Variants in FYCO1 observed in about 807,000 individuals in gnomAD.
The protein encoded by FYCO1 is FYVE and coiled-coil domain-containing protein 1.
Under a neutral mutation model 165.1 loss-of-function variants are expected in FYCO1, and 122 were observed. The observed-to-expected ratio is 0.74, with a 90% CI of 0.64 to 0.86. FYCO1 has a LOEUF of 0.86. Ranked by LOEUF, FYCO1 falls within the 40% of genes least tolerant of loss-of-function variation. The pLI is 0.00. For synonymous variants in FYCO1, 648 were observed against 742.5 expected (o/e 0.87, Z 2.07); for missense variants, 1,702 against 1,810.3 (o/e 0.94, Z 1.09).
At chr3:45,983,588 A>G (rs1196366821) in intron 2 of FYCO1, among the ~76,000 whole-genome samples, 3 of 152,180 alleles carry the variant, frequency 2.0e-5, no homozygotes, top group Non-Finnish European at 4.4e-5. Context: ...TTCCCTCCCA[A>G]TAAGGACCTC....
In FYCO1 at chr3:45,973,149, C is replaced by G. The variant is rs146077270; in HGVS notation, c.478G>C (p.Val160Leu). ...IVGQLYELTE[V>L]QFDLASRGFD... ...CCCCTCGACGCCAGGTCAAACTGAACCTCAGTCAGCTCATAGAGTTGGCCC... is the reference window on the plus strand; with the variant it reads ...CCCCTCGACGCCAGGTCAAACTGAAGCTCAGTCAGCTCATAGAGTTGGCCC... The change falls in exon 6 of 18, where the codon GTT (valine) becomes CTT (leucine). Residue 160 changes from valine (V) to leucine (L), a missense_variant. By Grantham distance (32) the Val-to-Leu change is conservative. Coordinates refer to ENST00000296137, the MANE Select transcript of FYCO1 (RefSeq NM_024513.4). The G allele has an allele frequency of 6.2e-6, 10 of 1,614,246 alleles. No homozygotes were observed. The African/African-American group carries it at 1.1e-4, about 17-fold the overall frequency.
intron 3 of FYCO1, 34 bp downstream of exon 3, chr3:45,981,536 G>A: frequency 7.7e-7 from 1 of 1,302,510 alleles, no homozygotes; most frequent in Non-Finnish European, 1.1e-6. Context: ...AGAGATACCA[G>A]TGCAAAAATC....
rs1285754883 is a variant in FYCO1 at position 45,918,156 on chromosome 3, T to A, written c.*3609A>T. ...TAATCAATTAAAGTGCAATTCCAAA[T>A]GTTGAGCCTTCCAAATGAGGCTTGG... On this transcript the variant is annotated 3_prime_UTR_variant, in exon 18 of 18. Transcript: ENST00000296137. 2 of 152,606 alleles carry A rather than the reference T, an allele frequency of 1.3e-5. No homozygotes were observed. The highest frequency in any genetic ancestry group is 2.9e-5 in the Non-Finnish European group (2 of 68,036). 9.5% of individuals were successfully genotyped at this position (152,606 alleles called of 1,614,324 possible).
Position 45,971,628 on chromosome 3 carries a change from G to A in FYCO1, c.539+1460C>T, listed in dbSNP as rs76273964. Among the ~76,000 whole-genome samples the A allele has an allele frequency of 2.0e-3, 307 of 152,224 alleles. 7 individuals carry two copies. The East Asian group carries it at 0.052, about 26-fold the overall frequency. On this transcript the variant is annotated intron_variant, in intron 6 of 17. Transcript: ENST00000296137. ...CACTTAACCTAAATCCAATAATGAGGAAACATCAGACAAACTCAAATTAAG... is the reference window on the plus strand; with the variant it reads ...CACTTAACCTAAATCCAATAATGAGAAAACATCAGACAAACTCAAATTAAG...
chr3:45,932,870 G>A (rs983984699), intron 15 of FYCO1, among the ~76,000 whole-genome samples: 2 of 152,174 alleles, frequency 1.3e-5, no homozygotes, highest in Non-Finnish European at 2.9e-5. Context: ...GGTTTGGGGG[G>A]TCCATTCTGG....
intron 4 of FYCO1, among the ~76,000 whole-genome samples, chr3:45,978,314 A>G (rs964712123): frequency 1.1e-4 from 16 of 152,210 alleles, no homozygotes; most frequent in Non-Finnish European, 2.4e-4. Flanking sequence ...TTTATGATGC[A>G]CTAAAATTAA....
intron 7 of FYCO1, 122 bp downstream of exon 7, chr3:45,969,553 G>A (rs1706301142): frequency 1.1e-5 from 8 of 732,480 alleles, no homozygotes; most frequent in Non-Finnish European, 2.0e-5. Flanking sequence ...CCATAACTGA[G>A]TGGTTCTATT....
intron 16 of FYCO1, among the ~76,000 whole-genome samples, chr3:45,930,283 G>T (rs1703527791): frequency 6.6e-6 from 1 of 152,076 alleles, no homozygotes; most frequent in Non-Finnish European, 1.5e-5. Context: ...CCCTTTCTCT[G>T]CAGAGATGCA....
chr3:45,971,142 G>T (rs2125856982), intron 6 of FYCO1, among the ~76,000 whole-genome samples: 1 of 152,252 alleles, frequency 6.6e-6, no homozygotes, highest in African/African-American at 2.4e-5. Context: ...GATAATGTAA[G>T]CTTCAAAATA....
chr3:45,972,886 T>C (rs1429474625), intron 6 of FYCO1, among the ~76,000 whole-genome samples: 4 of 152,234 alleles, frequency 2.6e-5, no homozygotes, highest in Admixed American at 6.5e-5. Context: ...CCTGGCCAGT[T>C]AAGTTGGTTT....
chr3:45,991,389 A>G (rs936836763), intron 1 of FYCO1, among the ~76,000 whole-genome samples: 4 of 152,176 alleles, frequency 2.6e-5, no homozygotes, highest in South Asian at 2.1e-4. Context: ...CTCTTAACCC[A>G]GCTTGTGAGG....
intron 13 of FYCO1, among the ~76,000 whole-genome samples, chr3:45,957,399 C>T (rs1705401497): frequency 6.6e-6 from 1 of 152,190 alleles, no homozygotes; most frequent in South Asian, 2.1e-4. Context: ...AAACCTGATA[C>T]ATTGGACCTC....
intron 1 of FYCO1, among the ~76,000 whole-genome samples, chr3:45,994,723 A>G (rs1707715116): frequency 6.6e-6 from 1 of 150,954 alleles, no homozygotes; most frequent in South Asian, 2.1e-4. Flanking sequence ...TTGCAGCCTG[A>G]GACCACAAGG....
intron 15 of FYCO1, among the ~76,000 whole-genome samples, chr3:45,934,625 G>C (rs1703795356): frequency 6.6e-6 from 1 of 152,206 alleles, no homozygotes; most frequent in Non-Finnish European, 1.5e-5. Context: ...GGTATGCAAG[G>C]CTGGTTTGAT....
Position 45,988,780 on chromosome 3 carries a change from C to G in FYCO1, c.-112-3758G>C, listed in dbSNP as rs1707433211. On this transcript the variant is annotated intron_variant, in intron 1 of 17. Transcript: ENST00000296137. ...GACAAAGAGGAAAAGGGACTCAATGCATTTTTTAAAATTCTTATTTTTCAC... is the reference window on the plus strand; with the variant it reads ...GACAAAGAGGAAAAGGGACTCAATGGATTTTTTAAAATTCTTATTTTTCAC... 2.0e-5 allele frequency among the ~76,000 whole-genome samples: 3 copies of G among 152,176 alleles called. 1 individual carries two copies. The South Asian group carries it at 6.2e-4, about 31-fold the overall frequency.
At chr3:45,965,969 AC>A (rs1705985240) in intron 8 of FYCO1, among the ~76,000 whole-genome samples, 1 of 152,094 alleles carries the variant, frequency 6.6e-6, no homozygotes, top group African/African-American at 2.4e-5. Context: ...ATTTGTAAAC[AC>A]CCTGCTCTTT....
chr3:45,943,050 A>G (rs1320868507), intron 14 of FYCO1, among the ~76,000 whole-genome samples: 1 of 152,198 alleles, frequency 6.6e-6, no homozygotes, highest in African/African-American at 2.4e-5. Context: ...CAGGGCTGCT[A>G]TGGGGCTTAA....
chr3:45,979,873 G>A, intron 3 of FYCO1, 43 bp from the exon 4 acceptor site: 1 of 1,611,122 alleles, frequency 6.2e-7, no homozygotes, highest in Non-Finnish European at 8.5e-7. Context: ...CAAACCCACT[G>A]CTCTTCATTC....
rs771817321 is a variant in FYCO1, at chr3:45,968,637, C to G, written c.697G>C (p.Asp233His). ...PLNNEALEGF[D>H]EMRLELDQLE... ...TGGTCCAGCTCTAGTCGCATCTCAT[C>G]AAAGCCCTCCAATGCCTCGTTGTTT... is the stretch of plus-strand genomic sequence containing the variant. Residue 233 changes from aspartate to histidine, a missense_variant, in exon 8 of 18, where the codon GAT (aspartate) becomes CAT (histidine). By Grantham distance (81) the Asp-to-His change is moderately conservative. Transcript: ENST00000296137. The G allele has an allele frequency of 1.3e-5, 21 of 1,614,080 alleles. No homozygotes were observed. The highest frequency in any genetic ancestry group is 1.8e-5 in the Non-Finnish European group (21 of 1,180,046).
Sources: gnomAD v4.1 joint callset for allele counts (sites outside exome capture counted in the v4.1 genomes callset) on GRCh38, gnomAD v4.1.1 for gene constraint, MANE v1.5 for transcripts, NCBI Gene and HGNC (gene_info 2026-07-23, HGNC 2026-07-21) for gene names.